Variants in OXR1 observed in about 807,000 individuals in gnomAD.
The protein encoded by OXR1 is oxidation resistance 1.
A neutral mutation model predicts 104.6 loss-of-function variants in OXR1; 41 were observed. The observed-to-expected ratio is 0.39, with a 90% CI of 0.31 to 0.51. The LOEUF (loss-of-function observed/expected upper bound fraction) is 0.51, where lower values mean the gene tolerates loss of function less well. Among genes scored for constraint, OXR1 ranks in the 20% least tolerant of loss-of-function variants. OXR1 has a pLI of 0.77. For synonymous variants in OXR1, 348 were observed against 348.4 expected (o/e 1.00, Z 0.01); for missense variants, 955 against 1,031.9 (o/e 0.93, Z 1.02).
chr8:106,537,435 A>T (rs1814623823), intron 3 of OXR1, among the ~76,000 whole-genome samples: 1 of 152,130 alleles, frequency 6.6e-6, no homozygotes, highest in South Asian at 2.1e-4. Flanking sequence ...AGGAGCTCAT[A>T]TGTAATTTAG....
chr8:106,302,935 A>G (rs1813309033), intron 1 of OXR1, among the ~76,000 whole-genome samples: 1 of 151,560 alleles, frequency 6.6e-6, no homozygotes, highest in South Asian at 2.1e-4. Context: ...TTGTATTTTT[A>G]GTAGAGACGG....
intron 11 of OXR1, among the ~76,000 whole-genome samples, chr8:106,731,544 T>A (rs1184419197): frequency 6.6e-6 from 1 of 152,154 alleles, no homozygotes; most frequent in African/African-American, 2.4e-5. Context: ...GATCCATAGT[T>A]TTGTGTTTTC....
At chr8:106,395,784 T>G (rs1017575679) in intron 2 of OXR1, among the ~76,000 whole-genome samples, 4 of 152,136 alleles carry the variant, frequency 2.6e-5, no homozygotes, top group Admixed American at 2.6e-4. Flanking sequence ...TAGATTGTAC[T>G]TTCTAAATAC....
At position 106,377,961 on chromosome 8, in the gene OXR1, G is replaced by A. The variant is rs561399167; in HGVS notation, c.23+18325G>A. The stretch of plus-strand genomic sequence containing the variant: ...TAGGTGCTATCTTCTTTTTCTATTT[G>A]TATATTTCTATCAGCATTAACAGAA... On this transcript the variant is annotated intron_variant, in intron 2 of 16. Coordinates refer to ENST00000517566, the MANE Select transcript of OXR1 (RefSeq NM_001198533.2). 1.8e-3 allele frequency among the ~76,000 whole-genome samples: 277 copies of A among 152,042 alleles called. 3 individuals are homozygous for A. In the South Asian group the frequency reaches 0.021, roughly 11 times the overall value.
At chr8:106,666,151 A>C (rs1375156186) in intron 3 of OXR1, among the ~76,000 whole-genome samples, 1 of 152,226 alleles carries the variant, frequency 6.6e-6, no homozygotes, top group South Asian at 2.1e-4. Flanking sequence ...CAATTAATCC[A>C]AATATGCAGT....
chr8:106,311,262 A>C (rs887576998), intron 1 of OXR1, among the ~76,000 whole-genome samples: 1 of 151,922 alleles, frequency 6.6e-6, no homozygotes, highest in Non-Finnish European at 1.5e-5. Flanking sequence ...ATGTCTTCTT[A>C]TATCGGTTAT....
chr8:106,364,801 G>A (rs1816397693), intron 2 of OXR1, among the ~76,000 whole-genome samples: 2 of 152,220 alleles, frequency 1.3e-5, no homozygotes, highest in East Asian at 3.9e-4. Context: ...AGAAAATTCT[G>A]GAGAGACAGA....
chr8:106,555,034 A>T (rs952974860), intron 3 of OXR1, among the ~76,000 whole-genome samples: 10 of 152,196 alleles, frequency 6.6e-5, no homozygotes, highest in Non-Finnish European at 1.3e-4. Flanking sequence ...TGGCATTAGC[A>T]GTTGTAATGT....
chr8:106,555,928 G>GTGTATATATATATA (rs1554593236), intron 3 of OXR1, among the ~76,000 whole-genome samples: 5 of 142,540 alleles, frequency 3.5e-5, no homozygotes, highest in African/African-American at 1.3e-4. Context: ...GTATATATAT[G>GTGTATATATATATA]TACATATATA....
At position 106,726,270 on chromosome 8, in the gene OXR1, AG is replaced by A. The variant is rs758031260; in HGVS notation, c.1957-11247del. 7 of 1,526,346 alleles carry A rather than the reference AG, an allele frequency of 4.6e-6. No individual in the cohort carries two copies. In the South Asian group the frequency reaches 8.4e-5, roughly 18 times the overall value. 94.6% of individuals were successfully genotyped at this position (1,526,346 alleles called of 1,614,324 possible). On this transcript the variant is annotated intron_variant, in intron 11 of 16. Coordinates refer to ENST00000517566, the MANE Select transcript of OXR1 (RefSeq NM_001198533.2). ...TGTCTCGTCTCTGGTATGGGAAAAAAGGGAGAAGACATCAACCAATTAATCA... is the reference window on the plus strand; with the variant it reads ...TGTCTCGTCTCTGGTATGGGAAAAAAGGAGAAGACATCAACCAATTAATCA...
At chr8:106,447,682 G>A (rs1274410286) in intron 2 of OXR1, among the ~76,000 whole-genome samples, 1 of 152,080 alleles carries the variant, frequency 6.6e-6, no homozygotes, top group Non-Finnish European at 1.5e-5. Context: ...TCTCTAAATC[G>A]CTTCTGTGTT....
At chr8:106,501,199 C>T (rs940293822) in intron 2 of OXR1, among the ~76,000 whole-genome samples, 1 of 152,178 alleles carries the variant, frequency 6.6e-6, no homozygotes, top group African/African-American at 2.4e-5. Flanking sequence ...TCAAGGTTCA[C>T]TGCAGCCTCA....
At chr8:106,671,762 G>A (rs527237051) in intron 3 of OXR1, among the ~76,000 whole-genome samples, 1 of 143,094 alleles carries the variant, frequency 7.0e-6, no homozygotes, top group South Asian at 2.2e-4. Flanking sequence ...GGTGGGAATT[G>A]AAGAACGAGA....
chr8:106,523,244 C>T (rs913942854), intron 3 of OXR1, among the ~76,000 whole-genome samples: 1 of 152,164 alleles, frequency 6.6e-6, no homozygotes, highest in South Asian at 2.1e-4. Context: ...TTAAAGAATT[C>T]ATGTTATTGA....
intron 3 of OXR1, chr8:106,581,387 A>G (rs1203983071): frequency 2.2e-6 from 1 of 450,176 alleles, no homozygotes; most frequent in African/African-American, 2.1e-5. Context: ...TATGCAAATA[A>G]TAGTAGATTC....
chr8:106,664,783 T>C (rs1184724460), intron 3 of OXR1, among the ~76,000 whole-genome samples: 1 of 152,194 alleles, frequency 6.6e-6, no homozygotes, highest in Non-Finnish European at 1.5e-5. Context: ...GGTTTACTTG[T>C]TAGAAGCAAT....
At chr8:106,691,716 A>G (rs1376154806) in intron 6 of OXR1, among the ~76,000 whole-genome samples, 3 of 150,378 alleles carry the variant, frequency 2.0e-5, no homozygotes, top group Non-Finnish European at 4.4e-5. Flanking sequence ...GAATCACAAA[A>G]TTTGTTGATA....
intron 3 of OXR1, among the ~76,000 whole-genome samples, chr8:106,534,422 G>A (rs1814327496): frequency 1.3e-5 from 2 of 152,104 alleles, no homozygotes; most frequent in Non-Finnish European, 2.9e-5. Context: ...AAAAGAATAT[G>A]GATATTATTA....
intron 3 of OXR1, among the ~76,000 whole-genome samples, chr8:106,663,609 A>G (rs557566697): frequency 3.3e-5 from 5 of 152,316 alleles, no homozygotes; most frequent in South Asian, 2.1e-4. Context: ...GCCCTGGTCC[A>G]TGGCCTGTTA....
Sources: gnomAD v4.1 joint callset for allele counts (sites outside exome capture counted in the v4.1 genomes callset) on GRCh38, gnomAD v4.1.1 for gene constraint, MANE v1.5 for transcripts, NCBI Gene and HGNC (gene_info 2026-07-23, HGNC 2026-07-21) for gene names.